GMPR: variants seen among roughly 807,000 people sequenced by gnomAD.
The protein encoded by GMPR is guanosine monophosphate reductase.
A neutral mutation model predicts 38.4 loss-of-function variants in GMPR; 31 were observed. That is an observed-to-expected ratio of 0.81 (90% confidence interval 0.61 to 1.09). The LOEUF (loss-of-function observed/expected upper bound fraction) is 1.09. GMPR is among the 50% of genes least tolerant of loss of function. The pLI, the probability that GMPR is intolerant of heterozygous loss-of-function variation, is 0.00. For missense variants in GMPR, 468 were observed against 453.7 expected, an observed-to-expected ratio of 1.03 and a Z score of -0.29; for synonymous variants, 162 against 173.3, an observed-to-expected ratio of 0.93 and a Z score of 0.51.
At chr6:16,266,643 G>A (rs1159979516) in intron 4 of GMPR, among the ~76,000 whole-genome samples, 4 of 151,364 alleles carry the variant, frequency 2.6e-5, no homozygotes. Flanking sequence ...TCTACTAAAA[G>A]TACAAAAAAA....
intron 3 of GMPR, among the ~76,000 whole-genome samples, chr6:16,252,320 C>G (rs538715104): frequency 2.0e-5 from 3 of 152,096 alleles, no homozygotes; most frequent in African/African-American, 7.2e-5. Context: ...AGTGCAATGG[C>G]GTGATCTCTG....
chr6:16,266,471 C>T (rs939763225), intron 4 of GMPR, among the ~76,000 whole-genome samples: 4 of 137,668 alleles, frequency 2.9e-5, no homozygotes, highest in South Asian at 2.3e-4. Context: ...GTAACACTTC[C>T]TGTGGAAAAG....
At chr6:16,294,744 C>G (rs1423533415) in intron 8 of GMPR, among the ~76,000 whole-genome samples, 1 of 152,208 alleles carries the variant, frequency 6.6e-6, no homozygotes, top group Non-Finnish European at 1.5e-5. Context: ...TCAAGCGCTG[C>G]TCACCAGGAC....
intron 7 of GMPR, among the ~76,000 whole-genome samples, chr6:16,286,825 G>T (rs1163007505): frequency 6.6e-6 from 1 of 152,078 alleles, no homozygotes; most frequent in Non-Finnish European, 1.5e-5. Context: ...AGAATCGCTT[G>T]AACCCGGGAG....
rs753381835 is a variant in GMPR at position 16,238,700 on chromosome 6, C to T, written c.7C>T (p.Arg3Cys). 6 of 1,417,074 alleles carry T rather than the reference C, an allele frequency of 4.2e-6. No individual in the cohort carries two copies. Among genetic ancestry groups the T allele is most frequent in the East Asian group, 6.1e-5 (2 of 32,832 alleles). The allele number at this position is 1,417,074 out of a possible 1,614,324, so 87.8% of individuals were successfully genotyped here. The change falls in exon 1 of 9, where the codon CGC becomes TGC. Residue 3 changes from arginine (R) to cysteine (C), a missense_variant. By Grantham distance (180) the Arg-to-Cys change is radical. Transcript: ENST00000259727. ...AGCCAGGAGCCGCTGCACCATGCCCCGCATAGATGCGGACCTCAAGCTCGA... is the reference window on the plus strand; with the variant it reads ...AGCCAGGAGCCGCTGCACCATGCCCTGCATAGATGCGGACCTCAAGCTCGA... Reference protein sequence around the residue: MPRIDADLKLDFK... With the variant: MPCIDADLKLDFK...
intron 4 of GMPR, among the ~76,000 whole-genome samples, chr6:16,259,956 G>A (rs569846370): frequency 6.6e-6 from 1 of 152,238 alleles, no homozygotes; most frequent in African/African-American, 2.4e-5. Flanking sequence ...TGAGAATGGT[G>A]AATAGGAGTA....
At chr6:16,270,203 A>G (rs1759355517) in intron 4 of GMPR, among the ~76,000 whole-genome samples, 1 of 152,220 alleles carries the variant, frequency 6.6e-6, no homozygotes, top group African/African-American at 2.4e-5. Context: ...CCTCTCCTTG[A>G]CACAGAATTG....
At chr6:16,282,822 T>C (rs1055822188) in intron 6 of GMPR, among the ~76,000 whole-genome samples, 1 of 152,146 alleles carries the variant, frequency 6.6e-6, no homozygotes, top group Non-Finnish European at 1.5e-5. Context: ...TTCTTTTTTT[T>C]TTTTGAGACA....
chr6:16,267,014 T>TG (rs930660991), intron 4 of GMPR, among the ~76,000 whole-genome samples: 37 of 150,606 alleles, frequency 2.5e-4, no homozygotes, highest in African/African-American at 9.0e-4. Context: ...GCGCCACCTT[T>TG]AAGAGCTGTA....
intron 5 of GMPR, among the ~76,000 whole-genome samples, chr6:16,277,951 G>T (rs1041973878): frequency 6.6e-6 from 1 of 152,080 alleles, no homozygotes; most frequent in Non-Finnish European, 1.5e-5. Flanking sequence ...GTGCTGTGGC[G>T]GCACCGGGAA....
At chr6:16,275,458 C>CCCT (rs1759455852) in intron 5 of GMPR, among the ~76,000 whole-genome samples, 1 of 152,120 alleles carries the variant, frequency 6.6e-6, no homozygotes, top group Non-Finnish European at 1.5e-5. Flanking sequence ...GGAAGAAGAA[C>CCCT]CCTGTAGATT....
rs770787292 is a variant in GMPR at position 16,290,544 on chromosome 6, A to G, written c.780A>G (p.Gly260=). Reference sequence around the variant, plus strand: ...CTGGAGAAGTGTTTGAGAGGAACGGACGGAAGCTCAAGCTCTTCTACGGGA... The same window carrying G: ...CTGGAGAAGTGTTTGAGAGGAACGGGCGGAAGCTCAAGCTCTTCTACGGGA... ...ECAGEVFERN[G]RKLKLFYGMS... Residue 260 remains glycine (G), a synonymous_variant, in exon 8 of 9, where the codon GGA becomes GGG. Transcript: ENST00000259727. 6.2e-7 allele frequency: 1 copy of G among 1,614,054 alleles called. No homozygotes were observed. Among genetic ancestry groups the G allele is most frequent in the South Asian group, 1.1e-5 (1 of 91,086 alleles).
chr6:16,288,561 G>C (rs897093437), intron 7 of GMPR, among the ~76,000 whole-genome samples: 4 of 152,320 alleles, frequency 2.6e-5, no homozygotes, highest in African/African-American at 7.2e-5. Flanking sequence ...GCTCCTGTGC[G>C]GCGGGAGCCT....
In GMPR at chr6:16,285,796, G is replaced by T. The variant is rs1170286382; in HGVS notation, c.658G>T (p.Gly220Ter). The change falls in exon 7 of 9, where the codon GGA becomes TGA. Residue 220 changes from glycine (G) to a stop codon, truncating the protein, a stop_gained. Coordinates refer to ENST00000259727, the MANE Select transcript of GMPR (RefSeq NM_006877.4). LOFTEE classifies it high-confidence loss of function. ...HGLKGHIISD[G>*]GCTCPGDVAK... ...CCTTGCTTTTTCCTCTGTGAAGGAT[G>T]GAGGCTGTACGTGTCCAGGGGATGT... 6.2e-7 allele frequency: 1 copy of T among 1,613,134 alleles called. No individual in the cohort carries two copies.
chr6:16,289,886 G>A (rs1308673946), intron 7 of GMPR: 1 of 16,126 alleles, frequency 6.2e-5, no homozygotes, highest in South Asian at 1.4e-3. Flanking sequence ...TTTTTTTTTT[G>A]TGAGACGGAG....
At chr6:16,285,905 G>T in intron 7 of GMPR, 70 bp downstream of exon 7, 2 of 1,304,924 alleles carry the variant, frequency 1.5e-6, no homozygotes, top group Non-Finnish European at 1.1e-6. Context: ...TCTCCAGCTG[G>T]CAACCTGAAT....
intron 1 of GMPR, 79 bp downstream of exon 1, chr6:16,238,859 G>A: frequency 9.0e-6 from 6 of 663,092 alleles, no homozygotes; most frequent in Admixed American, 3.0e-5. Flanking sequence ...GAAGGGGGTG[G>A]CACCGGGTTA....
At chr6:16,239,748 C>T (rs907686862) in intron 1 of GMPR, among the ~76,000 whole-genome samples, 2 of 152,238 alleles carry the variant, frequency 1.3e-5, no homozygotes, top group African/African-American at 2.4e-5. Flanking sequence ...CTGCCCACTC[C>T]GGTGCCAGGC....
At chr6:16,246,553 C>G (rs3818406) in intron 1 of GMPR, among the ~76,000 whole-genome samples, 28,288 of 151,754 alleles carry the variant, frequency 0.19, 3,179 homozygotes, top group African/African-American at 0.32. Context: ...ATAGGGCTTG[C>G]GGGTGGGGCG....
Sources: gnomAD v4.1 joint callset for allele counts (sites outside exome capture counted in the v4.1 genomes callset) on GRCh38, gnomAD v4.1.1 for gene constraint, MANE v1.5 for transcripts, NCBI Gene and HGNC (gene_info 2026-07-23, HGNC 2026-07-21) for gene names.